The following SEC61A2 variants were observed in gnomAD, a reference collection of about 807,000 sequenced individuals.
SEC61A2 encodes protein transport protein Sec61 subunit alpha isoform 2.
Under a neutral mutation model 59.9 loss-of-function variants are expected in SEC61A2, and 28 were observed. The ratio of observed to expected loss-of-function variants is 0.47; its 90% CI spans 0.35 to 0.64. SEC61A2 has a LOEUF of 0.64. Ranked by LOEUF, SEC61A2 falls within the 30% of genes least tolerant of loss-of-function variation. SEC61A2 has a pLI of 0.01. For synonymous variants in SEC61A2, 202 were observed against 214.4 expected (o/e 0.94, Z 0.50); for missense variants, 340 against 585.9 (o/e 0.58, Z 4.33).
At chr10:12,130,373 C>T (rs973727089) in intron 1 of SEC61A2, among the ~76,000 whole-genome samples, 3 of 152,180 alleles carry the variant, frequency 2.0e-5, no homozygotes, top group African/African-American at 7.2e-5. Context: ...CCCCGTAACA[C>T]TCAACCCCAC....
Position 12,149,629 on chromosome 10 carries a change from A to G in SEC61A2, c.255A>G (p.Val85=). ...TGGAATTGGGTATCTCCCCAATTGT[A>G]ACATCTGGTTTGATTATGCAGTTGT... is the stretch of plus-strand genomic sequence containing the variant. The part of the protein sequence containing the change: ...TLMELGISPI[V]TSGLIMQLLA... Residue 85 remains valine, a synonymous_variant, in exon 5 of 12, where the codon GTA becomes GTG. Transcript: ENST00000298428. This position sits in a 1 kb window ranked among gnomAD's most constrained non-coding sequence, Gnocchi z 5.2. The G allele has an allele frequency of 6.2e-7, 1 of 1,612,086 alleles. No individual in the cohort carries two copies. Among genetic ancestry groups the G allele is most frequent in the South Asian group, 1.1e-5 (1 of 90,532 alleles).
At chr10:12,136,015 C>A in intron 2 of SEC61A2, 90 bp from the exon 3 acceptor site, 1 of 800,858 alleles carries the variant, frequency 1.2e-6, no homozygotes, top group Non-Finnish European at 2.2e-6. Context: ...GTGAATTAGG[C>A]CCCAAAGAAT....
rs1410407426 is a variant in SEC61A2 at position 12,162,705 on chromosome 10, C to T, written c.1244+416C>T. On this transcript the variant is annotated intron_variant, in intron 11 of 11. Coordinates refer to ENST00000298428, the MANE Select transcript of SEC61A2 (RefSeq NM_018144.4). This position sits in a 1 kb window ranked among gnomAD's most constrained non-coding sequence, Gnocchi z 6.1. ...ATTCACTCACTTGAAGTATATTGTT[C>T]AGTGTTTTTTAGTATATTCAGACTT... Among the ~76,000 whole-genome samples, 1 of 152,110 alleles carries T rather than the reference C, an allele frequency of 6.6e-6. No individual in the cohort carries two copies. Among genetic ancestry groups the T allele is most frequent in the Non-Finnish European group, 1.5e-5 (1 of 68,024 alleles).
At chr10:12,147,923 G>A (rs537699755) in intron 4 of SEC61A2, among the ~76,000 whole-genome samples, 13 of 151,298 alleles carry the variant, frequency 8.6e-5, no homozygotes, top group African/African-American at 2.9e-4. Flanking sequence ...TCTAACTTAA[G>A]AAATCTATCT....
chr10:12,150,941 A>AT (rs1834257157), intron 6 of SEC61A2, among the ~76,000 whole-genome samples: 1 of 151,894 alleles, frequency 6.6e-6, no homozygotes, highest in Non-Finnish European at 1.5e-5. Context: ...CGCCCAGCTA[A>AT]TTTTTTGTAT....
rs1271175561 is a variant in SEC61A2 at position 12,162,157 on chromosome 10, G to C, written c.1168-56G>C. 4 of 1,365,238 alleles carry C rather than the reference G, an allele frequency of 2.9e-6. No homozygotes were observed. The highest frequency in any genetic ancestry group is 4.2e-6 in the Non-Finnish European group (4 of 954,422). 84.6% of individuals were successfully genotyped at this position (1,365,238 alleles called of 1,614,324 possible). ...CGAGCACTTCGCATAGAACGTGGTA[G>C]ATGTAAGCAGTGAAATGTTCCAGTT... On this transcript the variant is annotated intron_variant, in intron 10 of 11. Transcript: ENST00000298428. This position sits in a 1 kb window ranked among gnomAD's most constrained non-coding sequence, Gnocchi z 6.1.
chr10:12,168,084 G>A (rs1232177054), downstream of SEC61A2, among the ~76,000 whole-genome samples: 6 of 151,922 alleles, frequency 3.9e-5, no homozygotes, highest in African/African-American at 1.5e-4. The surrounding 1 kb of genome is among the most constrained non-coding windows in gnomAD (Gnocchi z 4.8). Context: ...GAGGGCAATG[G>A]CGTGATCTCG....
Position 12,165,193 on chromosome 10 carries a change from C to A in SEC61A2, c.*739C>A, listed in dbSNP as rs570997103. ...AATATTCTTTCAAGATTCTGGGCCC[C>A]GATTCTTTTCTGTTTAAATCCCTAA... On this transcript the variant is annotated 3_prime_UTR_variant, in exon 12 of 12. Transcript: ENST00000298428. 1 of 985,274 alleles carries A rather than the reference C, an allele frequency of 1.0e-6. No homozygotes were observed. The highest frequency in any genetic ancestry group is 1.7e-5 in the African/African-American group (1 of 57,232). 61.0% of individuals were successfully genotyped at this position (985,274 alleles called of 1,614,324 possible).
rs1834364352 is a variant in SEC61A2 at position 12,154,998 on chromosome 10, G to A, written c.463-780G>A. ...AGGGAAGGGGTCATATGACTGAGGAGGTCACTTGAAGGGCTAGGGACTGTT... is the reference window on the plus strand; with the variant it reads ...AGGGAAGGGGTCATATGACTGAGGAAGTCACTTGAAGGGCTAGGGACTGTT... On this transcript the variant is annotated intron_variant, in intron 6 of 11. Coordinates refer to ENST00000298428, the MANE Select transcript of SEC61A2 (RefSeq NM_018144.4). The surrounding 1 kb of genome is among the most constrained non-coding windows in gnomAD (Gnocchi z 5.2). Among the ~76,000 whole-genome samples, 1 of 152,066 alleles carries A rather than the reference G, an allele frequency of 6.6e-6. No individual in the cohort carries two copies. Among genetic ancestry groups the A allele is most frequent in the African/African-American group, 2.4e-5 (1 of 41,402 alleles).
At chr10:12,167,988 T>C, downstream of SEC61A2, 5 of 1,205,402 alleles carry the variant, frequency 4.1e-6, no homozygotes, top group Non-Finnish European at 5.4e-6. Flanking sequence ...AAAGGCAAGA[T>C]TACATTCCTA....
rs577762744 is a variant in SEC61A2, at chr10:12,158,310, C to T, written c.975+205C>T. 7 of 530,598 alleles carry T rather than the reference C, an allele frequency of 1.3e-5. No individual in the cohort carries two copies. The highest frequency in any genetic ancestry group is 2.3e-5 in the Non-Finnish European group (7 of 302,542). 32.9% of individuals were successfully genotyped at this position (530,598 alleles called of 1,614,324 possible). A position where few individuals can be genotyped will look rare whatever the true frequency, so the allele number is the denominator to read the frequency against. The stretch of plus-strand genomic sequence containing the variant: ...CCCAAGCGCTTTTTATTATTTTGCT[C>T]TCTAGGAAGCACTTTCACATCTCAT... On this transcript the variant is annotated intron_variant, in intron 9 of 11. Coordinates refer to ENST00000298428, the MANE Select transcript of SEC61A2 (RefSeq NM_018144.4). This position sits in a 1 kb window ranked among gnomAD's most constrained non-coding sequence, Gnocchi z 5.7.
intron 8 of SEC61A2, among the ~76,000 whole-genome samples, chr10:12,157,398 C>T (rs999779193): frequency 1.4e-4 from 21 of 151,770 alleles, no homozygotes; most frequent in Admixed American, 2.0e-4. Flanking sequence ...TGCAGTGGCG[C>T]GATCTTAGCT....
chr10:12,165,348 CTT>C lies in SEC61A2; in HGVS notation c.*897_*898del. 1.0e-6 allele frequency: 1 copy of C among 981,128 alleles called. No individual in the cohort carries two copies. Among genetic ancestry groups the C allele is most frequent in the Non-Finnish European group, 1.2e-6 (1 of 826,094 alleles). The allele number at this position is 981,128 out of a possible 1,614,324, so 60.8% of individuals were successfully genotyped here. On this transcript the variant is annotated 3_prime_UTR_variant, in exon 12 of 12. Coordinates refer to ENST00000298428, the MANE Select transcript of SEC61A2 (RefSeq NM_018144.4). The stretch of plus-strand genomic sequence containing the variant: ...ATGAGTGTAAACAGTAGACAATAAA[CTT>C]TTATTTAAGAAAACTGATTCAGTTG...
chr10:12,149,871 C>T lies in SEC61A2; in HGVS notation c.372C>T (p.Thr124=), dbSNP rs1469709138. The T allele has an allele frequency of 6.8e-6, 11 of 1,614,054 alleles. No homozygotes were observed. Among genetic ancestry groups the T allele is most frequent in the South Asian group, 4.4e-5 (4 of 91,082 alleles). Residue 124 remains threonine (T), a synonymous_variant, in exon 6 of 12, where the codon ACC becomes ACT. Coordinates refer to ENST00000298428, the MANE Select transcript of SEC61A2 (RefSeq NM_018144.4). This position sits in a 1 kb window ranked among gnomAD's most constrained non-coding sequence, Gnocchi z 5.2. ...CATCAGTGTTTGGTATGATCATTAC[C>T]ATTGGGCAAGCCATTGTGTATGTCA... ...GAQKLFGMII[T]IGQAIVYVMT...
In SEC61A2 at chr10:12,131,148, G is replaced by T. The variant is rs935609096; in HGVS notation, c.7+1354G>T. 7.2e-5 allele frequency among the ~76,000 whole-genome samples: 11 copies of T among 152,212 alleles called. 1 individual carries two copies. The highest frequency in any genetic ancestry group is 2.6e-4 in the Admixed American group (4 of 15,264). Reference sequence around the variant, plus strand: ...AGATCATGCCACTGCACTTCAGCCTGGGCGATAGAGCGAAACTCCGTCTCG... The same window carrying T: ...AGATCATGCCACTGCACTTCAGCCTTGGCGATAGAGCGAAACTCCGTCTCG... On this transcript the variant is annotated intron_variant, in intron 1 of 11. Transcript: ENST00000298428.
chr10:12,161,334 A>G lies in SEC61A2; in HGVS notation c.1167+213A>G, dbSNP rs558681674. Among the ~76,000 whole-genome samples the G allele has an allele frequency of 4.6e-5, 7 of 152,318 alleles. No homozygotes were observed. The highest frequency in any genetic ancestry group is 4.6e-4 in the Admixed American group (7 of 15,302). ...GTGGTGCAAGCCCGTGGTCCCAGCT[A>G]CTTGGGAAGTTGAGACGGAGCAGTA... On this transcript the variant is annotated intron_variant, in intron 10 of 11. Coordinates refer to ENST00000298428, the MANE Select transcript of SEC61A2 (RefSeq NM_018144.4). The surrounding 1 kb of genome is among the most constrained non-coding windows in gnomAD (Gnocchi z 5.4).
chr10:12,163,311 GCTTTTT>G (rs1430697659), intron 11 of SEC61A2, among the ~76,000 whole-genome samples: 1 of 110,600 alleles, frequency 9.0e-6, no homozygotes, highest in Non-Finnish European at 1.7e-5. Context: ...CGGCCAGCTA[GCTTTTT>G]TTTTTTTTTT....
In SEC61A2 at chr10:12,164,479, G is replaced by A. The variant is rs772567304; in HGVS notation, c.*25G>A. On this transcript the variant is annotated 3_prime_UTR_variant, in exon 12 of 12. Coordinates refer to ENST00000298428, the MANE Select transcript of SEC61A2 (RefSeq NM_018144.4). This position sits in a 1 kb window ranked among gnomAD's most constrained non-coding sequence, Gnocchi z 7.3. ...AATGTTCAAATATTTCATTTTGTGC[G>A]TGTGAAAGGGAAAACACTTTGACGG... 3.0e-5 allele frequency: 48 copies of A among 1,603,576 alleles called. No individual in the cohort carries two copies. The Middle Eastern group carries it at 6.6e-4, about 22-fold the overall frequency.
chr10:12,165,861 G>GCCTCA (rs1834668665), downstream of SEC61A2: 2 of 152,130 alleles, frequency 1.3e-5, no homozygotes, highest in South Asian at 2.1e-4. Context: ...TCCGCCAAGG[G>GCCTCA]CCTCAGACCA....
Sources: gnomAD v4.1 joint callset for allele counts (sites outside exome capture counted in the v4.1 genomes callset) on GRCh38, gnomAD v4.1.1 for gene constraint, Gnocchi (gnomAD v3.1) non-coding constraint, MANE v1.5 for transcripts, NCBI Gene and HGNC (gene_info 2026-07-23, HGNC 2026-07-21) for gene names.